Variants in XPO7 observed in about 807,000 individuals in gnomAD.
XPO7 encodes the protein exportin 7.
Under a neutral mutation model 144.3 loss-of-function variants are expected in XPO7, and 21 were observed. The ratio of observed to expected loss-of-function variants is 0.15; its 90% CI spans 0.10 to 0.21. XPO7 has a LOEUF of 0.21. XPO7 is among the 10% of genes least tolerant of loss of function. The pLI is 1.00. For synonymous variants in XPO7, 580 were observed against 499.6 expected (o/e 1.16, Z -2.15); for missense variants, 808 against 1,325.8 (o/e 0.61, Z 6.06).
chr8:21,998,942 G>C, intron 22 of XPO7, 105 bp downstream of exon 22: 3 of 1,470,762 alleles, frequency 2.0e-6, no homozygotes, highest in Non-Finnish European at 2.8e-6. Flanking sequence ...AGCCAGGACA[G>C]CATTCGTATT....
At chr8:21,968,884 T>G (rs1811965761) in intron 2 of XPO7, among the ~76,000 whole-genome samples, 1 of 152,244 alleles carries the variant, frequency 6.6e-6, no homozygotes, top group Admixed American at 6.5e-5. Context: ...GTGATAAAGC[T>G]ATTCCATTGC....
intron 1 of XPO7, among the ~76,000 whole-genome samples, chr8:21,954,452 G>T (rs1392118634): frequency 6.6e-6 from 1 of 152,100 alleles, no homozygotes; most frequent in Admixed American, 6.5e-5. Flanking sequence ...TGACCAGCAT[G>T]GTGAAACCCC....
At chr8:21,995,702 C>T in intron 21 of XPO7, 103 bp downstream of exon 21, 1 of 844,990 alleles carries the variant, frequency 1.2e-6, no homozygotes, top group Non-Finnish European at 1.7e-6. Flanking sequence ...ATAAGATTCA[C>T]TACTGCATTT....
chr8:21,984,670 G>A lies in XPO7; in HGVS notation c.1302G>A (p.Glu434=). The A allele has an allele frequency of 6.2e-7, 1 of 1,613,320 alleles. No homozygotes were observed. The highest frequency in any genetic ancestry group is 8.5e-7 in the Non-Finnish European group (1 of 1,179,680). ...ILRDGLEDPL[E]DTGLVQQQLD... is the part of the protein sequence containing the mutation. ...GAGATGGCCTGGAAGATCCCCTGGA[G>A]GATACGGGGCTGGTCCAGCAGCAGT... The change falls in exon 12 of 28, where the codon GAG becomes GAA. Residue 434 remains glutamate (E), a synonymous_variant. Coordinates refer to ENST00000252512, the MANE Select transcript of XPO7 (RefSeq NM_015024.5).
chr8:21,941,803 G>A (rs2117269068), intron 1 of XPO7, among the ~76,000 whole-genome samples: 1 of 152,294 alleles, frequency 6.6e-6, no homozygotes, highest in Non-Finnish European at 1.5e-5. Flanking sequence ...AGCCTTCCAA[G>A]TACTAGCTGG....
Position 21,982,735 on chromosome 8 carries a change from C to T in XPO7, c.1200C>T (p.His400=), listed in dbSNP as rs1341976802. 1.2e-6 allele frequency: 2 copies of T among 1,613,898 alleles called. No homozygotes were observed. Among genetic ancestry groups the T allele is most frequent in the Non-Finnish European group, 1.7e-6 (2 of 1,179,898 alleles). ...SVPYVKATEP[H]MLETYTPEVT... is the part of the protein sequence containing the mutation. Reference sequence around the variant, plus strand: ...CGTATGTCAAAGCCACAGAGCCCCACATGCTGGAAACTTACACTCCTGAGG... The same window carrying T: ...CGTATGTCAAAGCCACAGAGCCCCATATGCTGGAAACTTACACTCCTGAGG... The change falls in exon 11 of 28, where the codon CAC becomes CAT. Residue 400 remains histidine, a synonymous_variant. Transcript: ENST00000252512.
chr8:21,924,547 G>C (rs1380980175), intron 1 of XPO7, among the ~76,000 whole-genome samples: 1 of 152,002 alleles, frequency 6.6e-6, no homozygotes, highest in African/African-American at 2.4e-5. Context: ...TCAAAGCCAG[G>C]GGGAGAAGCA....
intron 5 of XPO7, among the ~76,000 whole-genome samples, chr8:21,974,289 A>G (rs1009802540): frequency 3.3e-5 from 5 of 152,062 alleles, no homozygotes; most frequent in African/African-American, 1.2e-4. Flanking sequence ...TCAACCTCCC[A>G]AAGTTCTAGA....
At chr8:21,966,517 G>A (rs1563324682) in intron 1 of XPO7, among the ~76,000 whole-genome samples, 1 of 152,160 alleles carries the variant, frequency 6.6e-6, no homozygotes, top group Non-Finnish European at 1.5e-5. Context: ...TACATTAATA[G>A]CAGAATAAGT....
rs141777155 is a variant in XPO7, at chr8:21,971,133, G to A, written c.427-743G>A. On this transcript the variant is annotated intron_variant, in intron 4 of 27. Transcript: ENST00000252512. ...TTATAGTTGCCCACAGTATAGTCAC[G>A]TGGTGTACAAGTTTGTGCCTAGGAA... is the stretch of plus-strand genomic sequence containing the variant. Among the ~76,000 whole-genome samples, 566 of 152,268 alleles carry A rather than the reference G, an allele frequency of 3.7e-3. 2 individuals are homozygous for A. Among genetic ancestry groups the A allele is most frequent in the African/African-American group, 0.013 (539 of 41,532 alleles).
intron 4 of XPO7, among the ~76,000 whole-genome samples, chr8:21,970,855 A>G (rs1384986637): frequency 6.6e-6 from 1 of 152,156 alleles, no homozygotes; most frequent in East Asian, 1.9e-4. Flanking sequence ...TTGTAGCACA[A>G]TTTATTTTTT....
At position 21,965,556 on chromosome 8, in the gene XPO7, C is replaced by T. The variant is rs117031387; in HGVS notation, c.19-1301C>T. On this transcript the variant is annotated intron_variant, in intron 1 of 27. Coordinates refer to ENST00000252512, the MANE Select transcript of XPO7 (RefSeq NM_015024.5). ...AGATGTTGTGAAAGATGGTTTGTTT[C>T]GTTTTAAGGGCAAGGTTGTTGTTTT... is the stretch of plus-strand genomic sequence containing the variant. 2.6e-4 allele frequency among the ~76,000 whole-genome samples: 39 copies of T among 152,250 alleles called. No homozygotes were observed. The East Asian group carries it at 5.2e-3, about 20-fold the overall frequency.
chr8:21,959,351 ATTAC>A lies in XPO7; in HGVS notation c.19-7503_19-7500del, dbSNP rs1811644287. On this transcript the variant is annotated intron_variant, in intron 1 of 27. Transcript: ENST00000252512. The stretch of plus-strand genomic sequence containing the variant: ...CAGTAATAATTAGCAGTGTACACAC[ATTAC>A]TTCATTGACTTTTACAACCTTGTAA... Among the ~76,000 whole-genome samples the A allele has an allele frequency of 2.6e-5, 4 of 152,364 alleles. No individual in the cohort carries two copies. In the South Asian group the frequency reaches 8.3e-4, roughly 32 times the overall value.
intron 1 of XPO7, among the ~76,000 whole-genome samples, chr8:21,962,176 A>T (rs759073589): frequency 1.4e-4 from 21 of 152,234 alleles, no homozygotes; most frequent in Non-Finnish European, 2.8e-4. Context: ...TTCAAAGAGC[A>T]AGCGAGTTTG....
chr8:21,982,937 G>C (rs1268481768), intron 11 of XPO7, 125 bp downstream of exon 11: 7 of 1,213,226 alleles, frequency 5.8e-6, no homozygotes, highest in Non-Finnish European at 7.9e-6. Context: ...ACTGTTCATG[G>C]TTCTTCTTCC....
At chr8:22,004,199 ATATAT>A (rs1476951931) in intron 27 of XPO7, among the ~76,000 whole-genome samples, 169 bp downstream of exon 27, 5 of 152,228 alleles carry the variant, frequency 3.3e-5, no homozygotes, top group Admixed American at 2.6e-4. Context: ...CATTTTAATA[ATATAT>A]TTTATTTAAC....
Position 21,991,988 on chromosome 8 carries a change from TC to T in XPO7, c.2148+15del. ...CAGGAGGCAAAGGTGAGTGAGTCTT[TC>T]ACCCAGTAATTAATCAGCTTCTGGT... is the stretch of plus-strand genomic sequence containing the variant. On this transcript the variant is annotated intron_variant, in intron 19 of 27. Transcript: ENST00000252512. The T allele has an allele frequency of 6.2e-7, 1 of 1,604,546 alleles. No individual in the cohort carries two copies. The highest frequency in any genetic ancestry group is 8.5e-7 in the Non-Finnish European group (1 of 1,173,526).
intron 1 of XPO7, among the ~76,000 whole-genome samples, chr8:21,939,370 G>A (rs1563313300): frequency 1.3e-5 from 2 of 151,964 alleles, no homozygotes; most frequent in African/African-American, 2.4e-5. Flanking sequence ...ACAGGCATGT[G>A]CCACCATGCC....
At chr8:21,958,180 A>G (rs370486714) in intron 1 of XPO7, among the ~76,000 whole-genome samples, 6 of 152,262 alleles carry the variant, frequency 3.9e-5, no homozygotes, top group East Asian at 3.9e-4. Flanking sequence ...TATGTACTGA[A>G]TCCCACCCAG....
Sources: allele counts gnomAD v4.1 joint callset (sites outside exome capture counted in the v4.1 genomes callset), GRCh38; gene constraint gnomAD v4.1.1; transcripts MANE v1.5; gene names NCBI Gene and HGNC (gene_info 2026-07-23, HGNC 2026-07-21).